Variants in PDE6D observed in about 807,000 individuals in gnomAD.
The protein encoded by PDE6D is retinal rod rhodopsin-sensitive cGMP 3',5'-cyclic phosphodiesterase subunit delta.
PDE6D carries 10 observed loss-of-function variants against 21.9 expected under a neutral mutation model. That is an observed-to-expected ratio of 0.46 (90% CI 0.28 to 0.78). The LOEUF (loss-of-function observed/expected upper bound fraction) is 0.78, where lower values mean the gene tolerates loss of function less well. Among genes scored for constraint, PDE6D ranks in the 30% least tolerant of loss-of-function variants. PDE6D has a pLI of 0.12. For missense variants in PDE6D, 139 were observed against 184.8 expected, an observed-to-expected ratio of 0.75 and a Z score of 1.44; for synonymous variants, 59 against 63.5, an observed-to-expected ratio of 0.93 and a Z score of 0.34.
chr2:231,771,028 A>G lies in PDE6D; in HGVS notation c.50+10037T>C, dbSNP rs186477821. ...GTAGTCCCAGTTATCTGAGAGGCTGAGGTGGGAGGATCACTTGAGCCTGGG... is the reference window on the plus strand; with the variant it reads ...GTAGTCCCAGTTATCTGAGAGGCTGGGGTGGGAGGATCACTTGAGCCTGGG... On this transcript the variant is annotated intron_variant, in intron 1 of 4. Coordinates refer to ENST00000287600, the MANE Select transcript of PDE6D (RefSeq NM_002601.4). 6.1e-4 allele frequency among the ~76,000 whole-genome samples: 92 copies of G among 150,952 alleles called. 2 individuals are homozygous for G. In the East Asian group the frequency reaches 0.014, roughly 22 times the overall value.
chr2:231,764,065 A>G (rs2048952054), intron 1 of PDE6D, among the ~76,000 whole-genome samples: 2 of 152,214 alleles, frequency 1.3e-5, no homozygotes, highest in African/African-American at 4.8e-5. Flanking sequence ...AGGAAACAGG[A>G]AGAATAAGAT....
chr2:231,775,735 T>C (rs1207977594), intron 1 of PDE6D, among the ~76,000 whole-genome samples: 2 of 152,186 alleles, frequency 1.3e-5, no homozygotes, highest in Non-Finnish European at 2.9e-5. Flanking sequence ...AGTTAAATGC[T>C]TATCCTATTG....
At chr2:231,761,899 T>C (rs1160616423) in intron 1 of PDE6D, among the ~76,000 whole-genome samples, 1 of 152,180 alleles carries the variant, frequency 6.6e-6, no homozygotes, top group Non-Finnish European at 1.5e-5. Context: ...TCACACTACA[T>C]ACCCTTGGGA....
intron 1 of PDE6D, among the ~76,000 whole-genome samples, chr2:231,750,200 T>C (rs564575108): frequency 3.3e-5 from 5 of 152,328 alleles, no homozygotes; most frequent in African/African-American, 9.6e-5. Flanking sequence ...CCTCCCGCCA[T>C]GATTGTGAGG....
chr2:231,746,138 T>C (rs838444), intron 1 of PDE6D, among the ~76,000 whole-genome samples: 11,990 of 152,188 alleles, frequency 0.079, 530 homozygotes, highest in African/African-American at 0.11. Flanking sequence ...TTTTAATTTT[T>C]ATTTTACTTT....
intron 4 of PDE6D, 129 bp downstream of exon 4, chr2:231,737,056 TAC>T: frequency 2.1e-6 from 1 of 470,874 alleles, no homozygotes; most frequent in South Asian, 4.3e-5. Context: ...GAAACCTAGA[TAC>T]CCTTGGATAC....
intron 1 of PDE6D, among the ~76,000 whole-genome samples, chr2:231,770,789 C>A (rs1056846554): frequency 6.6e-6 from 1 of 152,016 alleles, no homozygotes; most frequent in Non-Finnish European, 1.5e-5. Context: ...CCTGTCTCTA[C>A]TAAAAATACA....
At chr2:231,735,696 TCAC>T (rs2048694445) in intron 4 of PDE6D, among the ~76,000 whole-genome samples, 1 of 151,296 alleles carries the variant, frequency 6.6e-6, no homozygotes, top group Non-Finnish European at 1.5e-5. Context: ...TAGGAAAGTG[TCAC>T]CACACCTGGC....
rs2048663928 is a variant in PDE6D, at chr2:231,732,972, C to T, written c.433G>A (p.Val145Met). 9 of 1,611,872 alleles carry T rather than the reference C, an allele frequency of 5.6e-6. No individual in the cohort carries two copies. In the South Asian group the frequency reaches 8.8e-5, roughly 16 times the overall value. ...TTCTTTCAAACATAGAAAAGTCTCA[C>T]TCTGGATGTGCTTACAAGAAGATCG... Reference protein sequence around the residue: ...DDDLLVSTSRVRLFYV With the variant: ...DDDLLVSTSRMRLFYV Residue 145 changes from valine to methionine, a missense_variant, in exon 5 of 5, where the codon GTG becomes ATG. By Grantham distance (21) the Val-to-Met change is conservative (BLOSUM62 1). Transcript: ENST00000287600.
At chr2:231,759,055 C>T (rs952102625) in intron 1 of PDE6D, among the ~76,000 whole-genome samples, 2 of 152,062 alleles carry the variant, frequency 1.3e-5, no homozygotes, top group Non-Finnish European at 2.9e-5. Context: ...TGGTGGCTCA[C>T]GCTTGTAGTC....
At chr2:231,738,560 T>A (rs1004103320) in intron 2 of PDE6D, among the ~76,000 whole-genome samples, 2 of 152,182 alleles carry the variant, frequency 1.3e-5, no homozygotes, top group Non-Finnish European at 2.9e-5. Context: ...TATCTTTGGG[T>A]ATGTTCTAAT....
Position 231,755,412 on chromosome 2 carries a change from T to C in PDE6D, c.51-16224A>G, listed in dbSNP as rs77771834. ...CCGATGACAATTCTGATTTCAGTCA[T>C]AGGCTCCCAATTCTGGGGAAGCTGA... On this transcript the variant is annotated intron_variant, in intron 1 of 4. Coordinates refer to ENST00000287600, the MANE Select transcript of PDE6D (RefSeq NM_002601.4). Among the ~76,000 whole-genome samples the C allele has an allele frequency of 3.6e-3, 547 of 152,302 alleles. 3 individuals carry two copies. The highest frequency in any genetic ancestry group is 0.012 in the African/African-American group (517 of 41,578).
chr2:231,746,737 AAGC>A, intron 1 of PDE6D, among the ~76,000 whole-genome samples: 1 of 152,326 alleles, frequency 6.6e-6, no homozygotes, highest in East Asian at 1.9e-4. Flanking sequence ...GGAAGACAAA[AAGC>A]AGAAAGAGAA....
intron 1 of PDE6D, among the ~76,000 whole-genome samples, chr2:231,777,032 C>T (rs1038266446): frequency 3.9e-5 from 6 of 152,028 alleles, no homozygotes; most frequent in Non-Finnish European, 8.8e-5. Context: ...AAATACAAAT[C>T]GAAACAATGT....
intron 1 of PDE6D, among the ~76,000 whole-genome samples, chr2:231,775,680 C>T (rs925864519): frequency 6.6e-6 from 1 of 152,044 alleles, no homozygotes; most frequent in African/African-American, 2.4e-5. Flanking sequence ...TGGTCATCTG[C>T]TTTTTCTTCT....
chr2:231,746,359 T>A (rs1448823409), intron 1 of PDE6D, among the ~76,000 whole-genome samples: 2 of 152,086 alleles, frequency 1.3e-5, no homozygotes, highest in East Asian at 3.9e-4. Context: ...CCCAGGCTGG[T>A]CTCAAACCCC....
In PDE6D at chr2:231,781,247, A is replaced by T; in HGVS notation, c.-133T>A. 1 of 774,688 alleles carries T rather than the reference A, an allele frequency of 1.3e-6. No individual in the cohort carries two copies. The highest frequency in any genetic ancestry group is 1.8e-5 in the African/African-American group (1 of 56,614). 48.0% of individuals were successfully genotyped at this position (774,688 alleles called of 1,614,324 possible). On this transcript the variant is annotated 5_prime_UTR_variant, in exon 1 of 5. Coordinates refer to ENST00000287600, the MANE Select transcript of PDE6D (RefSeq NM_002601.4). ...TAGCAGCCGCAGCGGCCAGACCAGGACCGGCCTCTCTCTCCCCTCAGCTCC... is the reference window on the plus strand; with the variant it reads ...TAGCAGCCGCAGCGGCCAGACCAGGTCCGGCCTCTCTCTCCCCTCAGCTCC...
At chr2:231,780,866 T>A (rs1296960286) in intron 1 of PDE6D, among the ~76,000 whole-genome samples, 199 bp downstream of exon 1, 1 of 152,058 alleles carries the variant, frequency 6.6e-6, no homozygotes, top group Non-Finnish European at 1.5e-5. Flanking sequence ...CAACGTCCCC[T>A]TCCTCCCTCA....
intron 1 of PDE6D, among the ~76,000 whole-genome samples, chr2:231,740,029 A>G (rs911071652): frequency 1.3e-5 from 2 of 152,332 alleles, no homozygotes; most frequent in Admixed American, 6.5e-5. Context: ...AGATAAAGAC[A>G]TAAGTTTTAA....
Sources: allele counts gnomAD v4.1 joint callset (sites outside exome capture counted in the v4.1 genomes callset), GRCh38; gene constraint gnomAD v4.1.1; transcripts MANE v1.5; gene names NCBI Gene and HGNC (gene_info 2026-07-23, HGNC 2026-07-21).